Variants in UBAC2 observed in about 807,000 individuals in gnomAD.
UBAC2 encodes the protein ubiquitin-associated domain-containing protein 2.
Under a neutral mutation model 44.0 loss-of-function variants are expected in UBAC2, and 26 were observed. The ratio of observed to expected loss-of-function variants is 0.59; its 90% CI spans 0.43 to 0.82. The LOEUF is 0.82. UBAC2 is among the 40% of genes least tolerant of loss of function. The probability of loss-of-function intolerance (pLI) is 0.00; values close to 1 mark genes in which losing one functional copy is unlikely to be tolerated. For synonymous variants in UBAC2, 155 were observed against 154.3 expected (o/e 1.00, Z -0.04); for missense variants, 329 against 419.4 (o/e 0.78, Z 1.88).
In UBAC2 at chr13:99,254,461, T is replaced by C. The variant is rs57796820; in HGVS notation, c.389+9837T>C. Among the ~76,000 whole-genome samples, 3 of 152,334 alleles carry C rather than the reference T, an allele frequency of 2.0e-5. No homozygotes were observed. The East Asian group carries it at 5.8e-4, about 29-fold the overall frequency. On this transcript the variant is annotated intron_variant, in intron 4 of 8. Transcript: ENST00000403766. ...GTAATGAGTTCAACATAATTTCTTATATAGGAATTCTGGAAGTCAGTGTTT... is the reference window on the plus strand; with the variant it reads ...GTAATGAGTTCAACATAATTTCTTACATAGGAATTCTGGAAGTCAGTGTTT...
intron 4 of UBAC2, among the ~76,000 whole-genome samples, chr13:99,257,044 TGTGGTTAAACACAAGAAAC>T (rs2043574404): frequency 6.6e-6 from 1 of 152,226 alleles, no homozygotes; most frequent in Non-Finnish European, 1.5e-5. Context: ...GAGCAATTGC[TGTGGTTAAACACAAGAAAC>T]GTGCCTGTCT....
At chr13:99,351,748 G>T (rs1409473538) in intron 7 of UBAC2, 1 of 456,746 alleles carries the variant, frequency 2.2e-6, no homozygotes, top group Admixed American at 2.3e-5. Context: ...AATGAATCCT[G>T]CTTGTTGGTA....
chr13:99,240,625 T>C (rs1340722053), intron 2 of UBAC2, among the ~76,000 whole-genome samples: 1 of 152,216 alleles, frequency 6.6e-6, no homozygotes, highest in Non-Finnish European at 1.5e-5. Flanking sequence ...CAGTTTCCTA[T>C]GTGCTCTCGT....
intron 4 of UBAC2, chr13:99,255,134 G>C: frequency 1.9e-6 from 3 of 1,614,128 alleles, no homozygotes; most frequent in Non-Finnish European, 2.5e-6. Context: ...ATGTGGAAGG[G>C]CATAAAGCAG....
chr13:99,204,054 A>G (rs1004658947), intron 1 of UBAC2, among the ~76,000 whole-genome samples: 1 of 152,160 alleles, frequency 6.6e-6, no homozygotes, highest in African/African-American at 2.4e-5. Flanking sequence ...GTTGAGTAAT[A>G]TGTGTATCAT....
At chr13:99,264,974 T>TG (rs1418336533) in intron 4 of UBAC2, among the ~76,000 whole-genome samples, 1 of 151,934 alleles carries the variant, frequency 6.6e-6, no homozygotes, top group East Asian at 1.9e-4. Flanking sequence ...GCTGTTTTTT[T>TG]TTTTTTTTTT....
intron 6 of UBAC2, among the ~76,000 whole-genome samples, chr13:99,327,052 C>T (rs186839211): frequency 2.0e-5 from 3 of 152,258 alleles, no homozygotes; most frequent in Admixed American, 6.5e-5. Context: ...AGAATGTGGC[C>T]TATAGCTATG....
intron 4 of UBAC2, among the ~76,000 whole-genome samples, chr13:99,261,125 G>A (rs1214117925): frequency 6.6e-6 from 1 of 152,222 alleles, no homozygotes; most frequent in East Asian, 1.9e-4. Context: ...AAGTGTGAGG[G>A]CAGCTTATCC....
intron 4 of UBAC2, among the ~76,000 whole-genome samples, chr13:99,260,361 A>G (rs1384486520): frequency 6.6e-6 from 1 of 152,190 alleles, no homozygotes; most frequent in Non-Finnish European, 1.5e-5. Context: ...GAGAAGAGGC[A>G]TTTAATATTG....
At chr13:99,242,135 T>C (rs2043309232) in intron 2 of UBAC2, among the ~76,000 whole-genome samples, 1 of 151,142 alleles carries the variant, frequency 6.6e-6, no homozygotes, top group Non-Finnish European at 1.5e-5. Context: ...CCATGTCTAC[T>C]TCTTTCTACA....
chr13:99,331,921 T>C (rs895157300), intron 6 of UBAC2, among the ~76,000 whole-genome samples: 3 of 152,082 alleles, frequency 2.0e-5, no homozygotes, highest in African/African-American at 4.8e-5. Flanking sequence ...AGTAAATATT[T>C]GTGGAATGAA....
intron 1 of UBAC2, chr13:99,201,615 G>C: frequency 6.2e-7 from 1 of 1,604,266 alleles, no homozygotes. Context: ...TTTTCTCACT[G>C]AGTGTGTGGA....
At chr13:99,274,612 C>T (rs1360656452) in intron 4 of UBAC2, among the ~76,000 whole-genome samples, 1 of 152,190 alleles carries the variant, frequency 6.6e-6, no homozygotes, top group African/African-American at 2.4e-5. Flanking sequence ...AGGCATGAGG[C>T]ACGTGCCTGG....
chr13:99,282,403 T>C (rs1467434552), intron 4 of UBAC2, among the ~76,000 whole-genome samples: 1 of 152,234 alleles, frequency 6.6e-6, no homozygotes, highest in Non-Finnish European at 1.5e-5. Context: ...TGGTTGAGGC[T>C]ATTAGTAAAA....
At chr13:99,353,347 A>G (rs1294317154) in intron 7 of UBAC2, among the ~76,000 whole-genome samples, 3 of 152,362 alleles carry the variant, frequency 2.0e-5, no homozygotes, top group African/African-American at 7.2e-5. Context: ...AGTTGATCAT[A>G]CTGATCTTTT....
rs538585560 is a variant in UBAC2, at chr13:99,378,063, C to G, written c.928-7165C>G. ...CAAAATGCATGCTGCTCTAGTCCTT[C>G]AGTAAGCCCATCACATATTTTCTCT... is the stretch of plus-strand genomic sequence containing the variant. On this transcript the variant is annotated intron_variant, in intron 8 of 8. Coordinates refer to ENST00000403766, the MANE Select transcript of UBAC2 (RefSeq NM_001144072.2). Among the ~76,000 whole-genome samples, 318 of 152,328 alleles carry G rather than the reference C, an allele frequency of 2.1e-3. 2 individuals are homozygous for G. The highest frequency in any genetic ancestry group is 3.2e-3 in the Non-Finnish European group (218 of 68,032).
At chr13:99,320,794 G>A (rs2044557782) in intron 6 of UBAC2, among the ~76,000 whole-genome samples, 1 of 152,202 alleles carries the variant, frequency 6.6e-6, no homozygotes, top group Non-Finnish European at 1.5e-5. Context: ...ATTTGTGAGT[G>A]TTTGATTTAC....
Position 99,295,329 on chromosome 13 carries a change from G to A in UBAC2, c.390-18768G>A, listed in dbSNP as rs1455419520. On this transcript the variant is annotated intron_variant, in intron 4 of 8. Coordinates refer to ENST00000403766, the MANE Select transcript of UBAC2 (RefSeq NM_001144072.2). The surrounding 1 kb of genome is among the most constrained non-coding windows in gnomAD (Gnocchi z 4.1). The stretch of plus-strand genomic sequence containing the variant: ...CTACATTCCAGGAAATTAGAGAAAC[G>A]AAGCTTCTTAATCATATGTTGAATA... 6.2e-6 allele frequency: 10 copies of A among 1,613,972 alleles called. No homozygotes were observed. Among genetic ancestry groups the A allele is most frequent in the Non-Finnish European group, 5.9e-6 (7 of 1,180,018 alleles).
chr13:99,322,976 C>T (rs1249143876), intron 6 of UBAC2, among the ~76,000 whole-genome samples: 1 of 152,118 alleles, frequency 6.6e-6, no homozygotes, highest in East Asian at 1.9e-4. Flanking sequence ...CTTAAAGTAA[C>T]TGTGAACAAA....
Sources: gnomAD v4.1 joint callset for allele counts (sites outside exome capture counted in the v4.1 genomes callset) on GRCh38, gnomAD v4.1.1 for gene constraint, Gnocchi (gnomAD v3.1) non-coding constraint, MANE v1.5 for transcripts, NCBI Gene and HGNC (gene_info 2026-07-23, HGNC 2026-07-21) for gene names.